NCKAP5: variants seen among roughly 807,000 people sequenced by gnomAD.
The protein encoded by NCKAP5 is nck-associated protein 5.
NCKAP5 carries 92 observed loss-of-function variants against 167.0 expected under a neutral mutation model. The ratio of observed to expected loss-of-function variants is 0.55; its 90% CI spans 0.47 to 0.66. The LOEUF (loss-of-function observed/expected upper bound fraction) is 0.66, where lower values mean the gene tolerates loss of function less well. Among genes scored for constraint, NCKAP5 ranks in the 30% least tolerant of loss-of-function variants. The probability of loss-of-function intolerance (pLI) is 0.00; values close to 1 mark genes in which losing one functional copy is unlikely to be tolerated. For synonymous variants in NCKAP5, 891 were observed against 877.4 expected, an observed-to-expected ratio of 1.02 and a Z score of -0.27; for missense variants, 2,378 against 2,315.0, an observed-to-expected ratio of 1.03 and a Z score of -0.56.
intron 11 of NCKAP5, among the ~76,000 whole-genome samples, chr2:132,839,740 G>C (rs1688155984): frequency 7.3e-6 from 1 of 137,628 alleles, no homozygotes; most frequent in Admixed American, 7.8e-5. Flanking sequence ...CCTGCGTGAT[G>C]GAGTGAGACC....
intron 12 of NCKAP5, among the ~76,000 whole-genome samples, chr2:132,795,595 C>T (rs995171865): frequency 6.6e-6 from 1 of 151,948 alleles, no homozygotes; most frequent in Non-Finnish European, 1.5e-5. Context: ...CCGAGGCAGG[C>T]AGATCACAAG....
intron 8 of NCKAP5, among the ~76,000 whole-genome samples, chr2:132,946,582 G>A (rs1219440278): frequency 1.3e-5 from 2 of 152,178 alleles, no homozygotes; most frequent in African/African-American, 2.4e-5. Context: ...TCCACTTCAT[G>A]AATGTTTTAT....
chr2:133,605,602 T>C, the NCKAP5 span, among the ~76,000 whole-genome samples: 2 of 152,180 alleles, frequency 1.3e-5, no homozygotes, highest in Non-Finnish European at 2.9e-5. Context: ...TGTTTAGAAA[T>C]GGTTGCAGGA....
chr2:133,416,616 G>T (rs569549793), intron 3 of NCKAP5, among the ~76,000 whole-genome samples: 21 of 151,620 alleles, frequency 1.4e-4, no homozygotes, highest in Non-Finnish European at 2.8e-4. Flanking sequence ...GAGGGCTAAT[G>T]CTCAACTTGG....
rs1002072229 is a variant in NCKAP5, at chr2:133,521,941, C to G, written c.-61-4354G>C. On this transcript the variant is annotated intron_variant, in intron 2 of 19. Transcript: ENST00000409261. ...TAGTGGGGCTTATGGTGGCTACCTCCAGACTCCACACCTCTCTGCTTGTTA... is the reference window on the plus strand; with the variant it reads ...TAGTGGGGCTTATGGTGGCTACCTCGAGACTCCACACCTCTCTGCTTGTTA... Among the ~76,000 whole-genome samples the G allele has an allele frequency of 8.5e-5, 13 of 152,286 alleles. No individual in the cohort carries two copies. The East Asian group carries it at 2.5e-3, about 29-fold the overall frequency.
chr2:132,780,066 A>G (rs1313068618), intron 15 of NCKAP5, among the ~76,000 whole-genome samples: 1 of 152,260 alleles, frequency 6.6e-6, no homozygotes, highest in Non-Finnish European at 1.5e-5. Flanking sequence ...TACAGAGAGT[A>G]AGTGCAATTT....
chr2:133,532,407 G>C (rs768332474), intron 2 of NCKAP5, among the ~76,000 whole-genome samples: 28 of 152,162 alleles, frequency 1.8e-4, no homozygotes, highest in Non-Finnish European at 3.1e-4. Context: ...AGAAGGCAGT[G>C]CCAAATTGCT....
At chr2:133,108,307 A>T (rs1214002673) in intron 6 of NCKAP5, among the ~76,000 whole-genome samples, 1 of 152,188 alleles carries the variant, frequency 6.6e-6, no homozygotes, top group Non-Finnish European at 1.5e-5. Flanking sequence ...AGAGGACAGT[A>T]TCCCCGATGC....
intron 6 of NCKAP5, among the ~76,000 whole-genome samples, chr2:133,087,644 A>C (rs2081037054): frequency 6.6e-6 from 1 of 152,188 alleles, no homozygotes; most frequent in South Asian, 2.1e-4. Context: ...GTGGGGCTTG[A>C]TGCACATCTC....
intron 8 of NCKAP5, among the ~76,000 whole-genome samples, chr2:132,933,607 A>G (rs186990551): frequency 6.6e-6 from 1 of 152,338 alleles, no homozygotes; most frequent in East Asian, 1.9e-4. Context: ...AGAAAAGGCA[A>G]TGGCAAAAAG....
At chr2:133,337,533 G>C (rs954692422) in intron 3 of NCKAP5, among the ~76,000 whole-genome samples, 4 of 152,150 alleles carry the variant, frequency 2.6e-5, no homozygotes, top group African/African-American at 9.7e-5. Flanking sequence ...CTTTAAAGAG[G>C]TAATTATGTT....
rs77337778 is a variant in NCKAP5, at chr2:132,942,848, T to C, written c.579+20872A>G. Among the ~76,000 whole-genome samples, 475 of 152,294 alleles carry C rather than the reference T, an allele frequency of 3.1e-3. 3 individuals carry two copies. The highest frequency in any genetic ancestry group is 0.011 in the African/African-American group (453 of 41,554). On this transcript the variant is annotated intron_variant, in intron 8 of 19. Coordinates refer to ENST00000409261, the MANE Select transcript of NCKAP5 (RefSeq NM_207363.3). ...ATACCACAAATTCCTAGGTGCCTTT[T>C]TATCTCTGCCTAACACAATGCAACT... is the stretch of plus-strand genomic sequence containing the variant.
At chr2:132,876,493 T>C (rs926269917) in intron 9 of NCKAP5, among the ~76,000 whole-genome samples, 1 of 152,242 alleles carries the variant, frequency 6.6e-6, no homozygotes, top group Admixed American at 6.5e-5. Context: ...CTTGTTAGTT[T>C]GTTTAATTAG....
At chr2:132,969,544 CCAACCCTGGAGGAGT>C (rs2076769805) in intron 7 of NCKAP5, among the ~76,000 whole-genome samples, 1 of 152,088 alleles carries the variant, frequency 6.6e-6, no homozygotes, top group Non-Finnish European at 1.5e-5. Context: ...TGTTGGTGTC[CCAACCCTGGAGGAGT>C]CATTAGTTGA....
chr2:133,610,672 G>C, the NCKAP5 span, among the ~76,000 whole-genome samples: 107 of 152,054 alleles, frequency 7.0e-4, 3 homozygotes, highest in South Asian at 0.021. Flanking sequence ...TTATTCCACT[G>C]GTTAAAAGTT....
rs550295002 is a variant in NCKAP5 at position 132,862,369 on chromosome 2, T to C, written c.688-1758A>G. 2.6e-5 allele frequency among the ~76,000 whole-genome samples: 4 copies of C among 152,320 alleles called. No homozygotes were observed. The South Asian group carries it at 6.2e-4, about 24-fold the overall frequency. On this transcript the variant is annotated intron_variant, in intron 10 of 19. Coordinates refer to ENST00000409261, the MANE Select transcript of NCKAP5 (RefSeq NM_207363.3). ...TTTTTAGTTAAATGGGTAAAGCTTA[T>C]GTATAGGGTGTTTTCAACTGATCGG...
At chr2:132,693,550 G>A (rs1687003135) in intron 19 of NCKAP5, among the ~76,000 whole-genome samples, 1 of 150,700 alleles carries the variant, frequency 6.6e-6, no homozygotes. Flanking sequence ...GCAGGGCCCT[G>A]CCGACACCTG....
At chr2:133,346,048 G>A (rs1033510458) in intron 3 of NCKAP5, among the ~76,000 whole-genome samples, 29 of 152,268 alleles carry the variant, frequency 1.9e-4, no homozygotes, top group African/African-American at 7.0e-4. Flanking sequence ...AGAGACTTCT[G>A]GTAGGTTTCC....
chr2:133,011,323 A>C (rs1280564839), intron 6 of NCKAP5, among the ~76,000 whole-genome samples: 1 of 152,238 alleles, frequency 6.6e-6, no homozygotes, highest in Admixed American at 6.5e-5. Flanking sequence ...CAGATGTTAA[A>C]AATCAAGTAA....
Sources: gnomAD v4.1 joint callset for allele counts (sites outside exome capture counted in the v4.1 genomes callset) on GRCh38, gnomAD v4.1.1 for gene constraint, MANE v1.5 for transcripts, NCBI Gene and HGNC (gene_info 2026-07-23, HGNC 2026-07-21) for gene names.